The following PCDH15 variants were observed in gnomAD, a reference collection of about 807,000 sequenced individuals.
PCDH15 encodes protocadherin related 15.
Under a neutral mutation model 178.5 loss-of-function variants are expected in PCDH15, and 129 were observed. The observed-to-expected ratio is 0.72, with a 90% CI of 0.63 to 0.84. The LOEUF (loss-of-function observed/expected upper bound fraction) is 0.84, where lower values mean the gene tolerates loss of function less well. Among genes scored for constraint, PCDH15 ranks in the 40% least tolerant of loss-of-function variants. The pLI, the probability that PCDH15 is intolerant of heterozygous loss-of-function variation, is 0.00. For synonymous variants in PCDH15, 800 were observed against 732.0 expected, an observed-to-expected ratio of 1.09 and a Z score of -1.50; for missense variants, 2,230 against 2,099.9, an observed-to-expected ratio of 1.06 and a Z score of -1.21.
chr10:54,349,282 T>G (rs1410585239), intron 5 of PCDH15, among the ~76,000 whole-genome samples: 3 of 152,092 alleles, frequency 2.0e-5, no homozygotes, highest in African/African-American at 7.2e-5. Flanking sequence ...GAGATAAAAT[T>G]GGTCTTGCGG....
chr10:55,539,607 G>A lies in PCDH15; in HGVS notation c.-156+88018C>T, dbSNP rs183288837. Reference sequence around the variant, plus strand: ...AAATTAATGTTCAATAATGTTTTTTGACAGTAATCATTGAACACACTTTTA... The same window carrying A: ...AAATTAATGTTCAATAATGTTTTTTAACAGTAATCATTGAACACACTTTTA... On this transcript the variant is annotated intron_variant, in intron 2 of 5. Coordinates refer to the PCDH15 transcript ENST00000613346. Among the ~76,000 whole-genome samples, 57 of 152,074 alleles carry A rather than the reference G, an allele frequency of 3.7e-4. No homozygotes were observed. In the East Asian group the frequency reaches 9.7e-3, roughly 26 times the overall value.
At chr10:55,164,454 T>C (rs186160308) in intron 2 of PCDH15, among the ~76,000 whole-genome samples, 9 of 150,516 alleles carry the variant, frequency 6.0e-5, no homozygotes, top group Admixed American at 6.0e-4. Context: ...ATAATAAGAA[T>C]TTTAAAGATA....
upstream of PCDH15, among the ~76,000 whole-genome samples, chr10:54,803,657 A>G (rs1399874307): frequency 1.3e-5 from 2 of 152,246 alleles, no homozygotes; most frequent in Non-Finnish European, 2.9e-5. Flanking sequence ...GGTCTGTTAC[A>G]TGAGAGAGGA....
intron 2 of PCDH15, among the ~76,000 whole-genome samples, chr10:54,957,174 A>G (rs1055235736): frequency 1.3e-5 from 2 of 151,730 alleles, no homozygotes; most frequent in Admixed American, 1.3e-4. Context: ...CACAGACATA[A>G]AAATGAAGTG....
intron 2 of PCDH15, among the ~76,000 whole-genome samples, chr10:55,470,751 C>T (rs1009337469): frequency 2.0e-5 from 3 of 152,104 alleles, no homozygotes; most frequent in African/African-American, 7.2e-5. Context: ...AACATGCATT[C>T]ACAATCAGAC....
At chr10:54,266,865 C>G (rs544419031) in intron 8 of PCDH15, among the ~76,000 whole-genome samples, 3 of 151,972 alleles carry the variant, frequency 2.0e-5, no homozygotes, top group African/African-American at 7.2e-5. Context: ...AAGAGGAGCT[C>G]ATGCCAATCC....
At position 55,290,820 on chromosome 10, in the gene PCDH15, A is replaced by G. The variant is rs1842989062; in HGVS notation, c.-156+28779T>C. On this transcript the variant is annotated intron_variant, in intron 1 of 5. Transcript: ENST00000458638. Reference sequence around the variant, plus strand: ...CAAATAATGGGAAATAAAATTAGAAAACAAGAAAAGGTATGTTGAAAGAAA... The same window carrying G: ...CAAATAATGGGAAATAAAATTAGAAGACAAGAAAAGGTATGTTGAAAGAAA... Among the ~76,000 whole-genome samples, 3 of 152,170 alleles carry G rather than the reference A, an allele frequency of 2.0e-5. No individual in the cohort carries two copies. In the South Asian group the frequency reaches 6.2e-4, roughly 31 times the overall value.
At chr10:54,008,621 C>T (rs1304198292) in intron 20 of PCDH15, among the ~76,000 whole-genome samples, 3 of 152,146 alleles carry the variant, frequency 2.0e-5, no homozygotes, top group African/African-American at 7.2e-5. Context: ...CCATAACTGT[C>T]TGTCATCAAC....
intron 15 of PCDH15, among the ~76,000 whole-genome samples, chr10:54,108,234 A>T (rs1340830867): frequency 6.6e-6 from 1 of 152,136 alleles, no homozygotes; most frequent in African/African-American, 2.4e-5. Context: ...ACTGATGAGG[A>T]TAGGAAAGAA....
At chr10:54,492,789 G>A (rs2079725196) in intron 3 of PCDH15, among the ~76,000 whole-genome samples, 1 of 151,938 alleles carries the variant, frequency 6.6e-6, no homozygotes. Context: ...ATCTCTTACT[G>A]CCTTTAATTT....
chr10:54,357,550 G>A (rs1589011241), intron 5 of PCDH15, among the ~76,000 whole-genome samples: 1 of 151,990 alleles, frequency 6.6e-6, no homozygotes, highest in African/African-American at 2.4e-5. Flanking sequence ...CATGCTCATG[G>A]GTAGGAAGAA....
intron 20 of PCDH15, among the ~76,000 whole-genome samples, chr10:54,017,236 G>A (rs185302759): frequency 9.7e-4 from 147 of 152,030 alleles, no homozygotes; most frequent in African/African-American, 2.8e-3. Context: ...TGTTGGCCAG[G>A]CTAATCTCAA....
chr10:54,434,529 T>C (rs1389880948), intron 3 of PCDH15, among the ~76,000 whole-genome samples: 1 of 152,228 alleles, frequency 6.6e-6, no homozygotes, highest in Non-Finnish European at 1.5e-5. Context: ...TAACATGCTG[T>C]GCAGACTTGT....
intron 2 of PCDH15, among the ~76,000 whole-genome samples, chr10:55,092,432 T>A (rs1842340913): frequency 6.6e-6 from 1 of 151,884 alleles, no homozygotes; most frequent in Non-Finnish European, 1.5e-5. Context: ...TTTAAAGAAT[T>A]CCCATAATGC....
intron 1 of PCDH15, among the ~76,000 whole-genome samples, chr10:54,684,814 G>GAA (rs71010402): frequency 3.3e-5 from 5 of 151,100 alleles, no homozygotes; most frequent in African/African-American, 2.4e-5. Flanking sequence ...ATTTCCTATA[G>GAA]TAGTGTGTAT....
intron 2 of PCDH15, among the ~76,000 whole-genome samples, chr10:54,632,506 G>A (rs988162912): frequency 7.9e-5 from 12 of 152,104 alleles, no homozygotes; most frequent in African/African-American, 2.9e-4. Context: ...AAGGGAAACT[G>A]TGTGAGAAAC....
intron 1 of PCDH15, among the ~76,000 whole-genome samples, chr10:55,283,272 G>A (rs769759894): frequency 3.9e-5 from 6 of 152,006 alleles, no homozygotes; most frequent in Non-Finnish European, 7.4e-5. Flanking sequence ...ATGACTCAGC[G>A]CACGAGGACA....
At chr10:54,950,648 A>G (rs1838317031) in intron 2 of PCDH15, among the ~76,000 whole-genome samples, 1 of 151,944 alleles carries the variant, frequency 6.6e-6, no homozygotes, top group Non-Finnish European at 1.5e-5. Flanking sequence ...TAATACAAGA[A>G]TGAACACAGG....
intron 1 of PCDH15, among the ~76,000 whole-genome samples, chr10:54,687,956 G>GACT (rs2095044310): frequency 1.3e-5 from 2 of 151,886 alleles, no homozygotes; most frequent in African/African-American, 4.8e-5. Context: ...CTAGAGATCT[G>GACT]CCAAACAACA....
Sources: allele counts gnomAD v4.1 joint callset (sites outside exome capture counted in the v4.1 genomes callset), GRCh38; gene constraint gnomAD v4.1.1; transcripts MANE v1.5; gene names NCBI Gene and HGNC (gene_info 2026-07-23, HGNC 2026-07-21).